The following PLD5 variants were observed in gnomAD, a reference collection of about 807,000 sequenced individuals.
PLD5 encodes phospholipase D family member 5.
PLD5 carries 36 observed loss-of-function variants against 61.1 expected under a neutral mutation model. The ratio of observed to expected loss-of-function variants is 0.59; its 90% CI spans 0.45 to 0.78. The LOEUF is 0.78. PLD5 is among the 30% of genes least tolerant of loss of function. The pLI, the probability that PLD5 is intolerant of heterozygous loss-of-function variation, is 0.00. For synonymous variants in PLD5, 243 were observed against 242.8 expected, an observed-to-expected ratio of 1.00 and a Z score of -0.01; for missense variants, 515 against 644.4, an observed-to-expected ratio of 0.80 and a Z score of 2.17.
chr1:242,168,182 C>T (rs1666468578), intron 5 of PLD5, among the ~76,000 whole-genome samples: 1 of 152,170 alleles, frequency 6.6e-6, no homozygotes, highest in Admixed American at 6.6e-5. Flanking sequence ...TAATTGAACA[C>T]AAATAATACA....
At chr1:242,182,338 G>A (rs1313092192) in intron 5 of PLD5, among the ~76,000 whole-genome samples, 1 of 150,998 alleles carries the variant, frequency 6.6e-6, no homozygotes. Flanking sequence ...AGTTTCTCCA[G>A]AGGCATTCGC....
At chr1:242,394,314 GTGTATATATGAGTATATATGT>G in intron 1 of PLD5, among the ~76,000 whole-genome samples, 1 of 82,752 alleles carries the variant, frequency 1.2e-5, no homozygotes, top group Admixed American at 1.6e-4. Context: ...GTATATATGT[GTGTATATATGAGTATATATGT>G]GTGTATATAT....
intron 5 of PLD5, among the ~76,000 whole-genome samples, chr1:242,194,037 C>T (rs1432824467): frequency 2.0e-5 from 3 of 152,204 alleles, no homozygotes; most frequent in East Asian, 3.9e-4. Flanking sequence ...GCTCCTTGAC[C>T]CATCCGCAGT....
chr1:242,496,916 A>T (rs1346354196), intron 1 of PLD5, among the ~76,000 whole-genome samples: 1 of 152,176 alleles, frequency 6.6e-6, no homozygotes, highest in Non-Finnish European at 1.5e-5. Flanking sequence ...AACTTCTAGG[A>T]TGTGTTCTAA....
chr1:242,422,526 T>C (rs1255229557), intron 1 of PLD5, among the ~76,000 whole-genome samples: 1 of 152,238 alleles, frequency 6.6e-6, no homozygotes, highest in Non-Finnish European at 1.5e-5. Context: ...AGCTTCTAGA[T>C]TGCAACTGTA....
At chr1:242,100,239 T>G (rs1378430853) in intron 9 of PLD5, among the ~76,000 whole-genome samples, 1 of 152,116 alleles carries the variant, frequency 6.6e-6, no homozygotes. Context: ...GATGGGATAA[T>G]TGGCTGGGAA....
At chr1:242,156,415 G>A (rs996885919) in intron 5 of PLD5, among the ~76,000 whole-genome samples, 1 of 152,114 alleles carries the variant, frequency 6.6e-6, no homozygotes, top group East Asian at 1.9e-4. Flanking sequence ...TGGTTAGTTT[G>A]CCCATTAGTT....
chr1:242,376,975 T>C, intron 1 of PLD5: 4 of 1,611,650 alleles, frequency 2.5e-6, no homozygotes, highest in Non-Finnish European at 2.5e-6. Flanking sequence ...ATGCCGTGTA[T>C]CCGCATGTGA....
At chr1:242,221,813 C>T (rs1214692556) in intron 4 of PLD5, among the ~76,000 whole-genome samples, 3 of 152,128 alleles carry the variant, frequency 2.0e-5, no homozygotes, top group Non-Finnish European at 2.9e-5. Flanking sequence ...GAGGTGTGGC[C>T]GGCCCCACAG....
At chr1:242,339,746 G>A (rs1235945719) in intron 2 of PLD5, among the ~76,000 whole-genome samples, 1 of 152,166 alleles carries the variant, frequency 6.6e-6, no homozygotes, top group Non-Finnish European at 1.5e-5. Flanking sequence ...AAAATCGAAG[G>A]AGGGAAGGAC....
intron 1 of PLD5, among the ~76,000 whole-genome samples, chr1:242,491,706 A>G (rs893464012): frequency 6.6e-6 from 1 of 152,162 alleles, no homozygotes; most frequent in African/African-American, 2.4e-5. Flanking sequence ...CCTGAAACTC[A>G]GTCTTCAGAT....
At chr1:242,217,108 G>A (rs1304215043) in intron 5 of PLD5, among the ~76,000 whole-genome samples, 1 of 152,156 alleles carries the variant, frequency 6.6e-6, no homozygotes, top group Admixed American at 6.5e-5. Context: ...CAATGTACCT[G>A]GTCACCCAAT....
In PLD5 at chr1:242,348,379, C is replaced by G; in HGVS notation, c.190-137G>C. 5 of 951,784 alleles carry G rather than the reference C, an allele frequency of 5.3e-6. No homozygotes were observed. In the South Asian group the frequency reaches 7.4e-5, roughly 14 times the overall value. 59.0% of individuals were successfully genotyped at this position (951,784 alleles called of 1,614,324 possible). ...TCACTGCCTAGAAGGGAAATCTATT[C>G]TCTAGTGAACATGCCAAAGATCTTT... On this transcript the variant is annotated intron_variant, in intron 1 of 9. Coordinates refer to ENST00000536534, the MANE Select transcript of PLD5 (RefSeq NM_001372062.1).
chr1:242,134,385 G>GTTTTT (rs566378859), intron 5 of PLD5, among the ~76,000 whole-genome samples: 1 of 79,806 alleles, frequency 1.3e-5, no homozygotes, highest in Admixed American at 1.4e-4. Flanking sequence ...GTAGCCTTCA[G>GTTTTT]TTTTTTTTTT....
At chr1:242,409,944 G>A (rs374216620) in intron 1 of PLD5, among the ~76,000 whole-genome samples, 20 of 152,174 alleles carry the variant, frequency 1.3e-4, no homozygotes, top group Non-Finnish European at 2.2e-4. Context: ...GTTGCCGGCC[G>A]GCTAGAGCTG....
chr1:242,088,140 ATAACTGAG>A lies in PLD5; in HGVS notation c.*1706_*1713del, dbSNP rs1451898908. The A allele has an allele frequency of 6.6e-6, 1 of 152,220 alleles. No homozygotes were observed. 9.4% of individuals were successfully genotyped at this position (152,220 alleles called of 1,614,324 possible). A position where few individuals can be genotyped will look rare whatever the true frequency, so the allele number is the denominator to read the frequency against. On this transcript the variant is annotated 3_prime_UTR_variant, in exon 10 of 10. Transcript: ENST00000536534. Reference sequence around the variant, plus strand: ...ATCAAGTCTCCAGAAATGAAAAAGAATAACTGAGTGTTTCCTTGCTCTGAAAATACATG... The same window carrying A: ...ATCAAGTCTCCAGAAATGAAAAAGAATGTTTCCTTGCTCTGAAAATACATG...
chr1:242,200,932 T>C (rs1668952484), intron 5 of PLD5, among the ~76,000 whole-genome samples: 1 of 152,242 alleles, frequency 6.6e-6, no homozygotes, highest in Admixed American at 6.5e-5. Flanking sequence ...TGAAATATGA[T>C]TTCTCCCACA....
intron 5 of PLD5, among the ~76,000 whole-genome samples, chr1:242,131,349 G>A (rs1048506570): frequency 1.3e-5 from 2 of 152,048 alleles, no homozygotes; most frequent in Non-Finnish European, 2.9e-5. Context: ...CAGTGGTTCC[G>A]TTCTCTCTCT....
Position 242,171,202 on chromosome 1 carries a change from C to T in PLD5, c.736-46537G>A, listed in dbSNP as rs571675726. On this transcript the variant is annotated intron_variant, in intron 5 of 9. Coordinates refer to ENST00000536534, the MANE Select transcript of PLD5 (RefSeq NM_001372062.1). The stretch of plus-strand genomic sequence containing the variant: ...TAACAGTAGATCTCTCTGCAGAAAG[C>T]CTACAAGCCAGAAGAGAGTGGGGGC... Among the ~76,000 whole-genome samples, 3 of 152,284 alleles carry T rather than the reference C, an allele frequency of 2.0e-5. No individual in the cohort carries two copies. The East Asian group carries it at 5.8e-4, about 29-fold the overall frequency.
Sources: gnomAD v4.1 joint callset for allele counts (sites outside exome capture counted in the v4.1 genomes callset) on GRCh38, gnomAD v4.1.1 for gene constraint, MANE v1.5 for transcripts, NCBI Gene and HGNC (gene_info 2026-07-23, HGNC 2026-07-21) for gene names.